The following RGS6 variants were observed in gnomAD, a reference collection of about 807,000 sequenced individuals.
RGS6 encodes regulator of G protein signaling 6, also known as regulator of G-protein signaling 6.
A neutral mutation model predicts 78.5 loss-of-function variants in RGS6; 30 were observed. The ratio of observed to expected loss-of-function variants is 0.38; its 90% CI spans 0.29 to 0.52. RGS6 has a LOEUF of 0.52. Ranked by LOEUF, RGS6 falls within the 20% of genes least tolerant of loss-of-function variation. RGS6 has a pLI of 0.85. For missense variants in RGS6, 495 were observed against 609.7 expected (o/e 0.81, Z 1.98); for synonymous variants, 206 against 206.0 (o/e 1.00, Z 0.00).
chr14:72,458,472 G>A (rs1242469694), intron 5 of RGS6, 95 bp downstream of exon 5: 9 of 951,198 alleles, frequency 9.5e-6, no homozygotes, highest in Non-Finnish European at 1.5e-5. Flanking sequence ...GGATATCTGA[G>A]GGAGTAGCCC....
intron 6 of RGS6, among the ~76,000 whole-genome samples, chr14:72,462,183 C>T (rs1200432262): frequency 6.6e-6 from 1 of 152,226 alleles, no homozygotes; most frequent in African/African-American, 2.4e-5. Flanking sequence ...GAATAAGTCA[C>T]AGCCTTTCCC....
At chr14:71,922,137 C>T in the RGS6 span, among the ~76,000 whole-genome samples, 2 of 152,214 alleles carry the variant, frequency 1.3e-5, no homozygotes, top group African/African-American at 4.8e-5. Context: ...AGCAAACATG[C>T]TCCATCTTGT....
At chr14:72,443,734 T>C (rs2095280285) in intron 3 of RGS6, among the ~76,000 whole-genome samples, 1 of 152,226 alleles carries the variant, frequency 6.6e-6, no homozygotes, top group African/African-American at 2.4e-5. Context: ...CCCAGAAATA[T>C]GCTCAGCTGC....
At chr14:71,940,990 TC>T (rs2090443801) in intron 1 of RGS6, among the ~76,000 whole-genome samples, 1 of 152,082 alleles carries the variant, frequency 6.6e-6, no homozygotes, top group Non-Finnish European at 1.5e-5. Flanking sequence ...TGTCTATTTT[TC>T]CACAATTTCG....
intron 8 of RGS6, among the ~76,000 whole-genome samples, chr14:72,470,771 C>G (rs768692457): frequency 3.3e-5 from 5 of 151,288 alleles, no homozygotes; most frequent in Non-Finnish European, 4.4e-5. Flanking sequence ...CCCAGCTACT[C>G]AGGAGGCTGA....
At chr14:72,445,504 A>C (rs907188718) in intron 3 of RGS6, among the ~76,000 whole-genome samples, 26 of 149,954 alleles carry the variant, frequency 1.7e-4, no homozygotes, top group African/African-American at 6.4e-4. Flanking sequence ...TTTTAACAGT[A>C]TCAGTGGGTG....
At chr14:72,481,887 C>G (rs898381022) in intron 12 of RGS6, among the ~76,000 whole-genome samples, 2 of 148,172 alleles carry the variant, frequency 1.3e-5, no homozygotes, top group Admixed American at 6.8e-5. Context: ...CGGCTCACTG[C>G]AAGCTCCGCC....
intron 3 of RGS6, among the ~76,000 whole-genome samples, chr14:72,389,995 A>G (rs1389217788): frequency 6.6e-6 from 1 of 152,188 alleles, no homozygotes; most frequent in Non-Finnish European, 1.5e-5. Flanking sequence ...GGGAACAGTA[A>G]AGTGTAGGAA....
chr14:72,069,624 G>C lies in RGS6; in HGVS notation c.84+104749G>C, dbSNP rs181997891. On this transcript the variant is annotated intron_variant, in intron 2 of 17. Coordinates refer to ENST00000553525, the MANE Select transcript of RGS6 (RefSeq NM_001204424.2). ...GTGCAGTCACAATGATTGCAGCCTC[G>C]ACCTCCCTGGGCTCAGATGATCCTC... Among the ~76,000 whole-genome samples, 53 of 151,902 alleles carry C rather than the reference G, an allele frequency of 3.5e-4. No homozygotes were observed. The Middle Eastern group carries it at 0.014, about 39-fold the overall frequency.
At chr14:72,427,311 T>G (rs963299741) in intron 3 of RGS6, among the ~76,000 whole-genome samples, 3 of 152,248 alleles carry the variant, frequency 2.0e-5, no homozygotes, top group African/African-American at 7.2e-5. Context: ...TAAATAAAAC[T>G]TTATCATAGG....
At chr14:71,971,662 G>A (rs913481349) in intron 2 of RGS6, among the ~76,000 whole-genome samples, 2 of 152,208 alleles carry the variant, frequency 1.3e-5, no homozygotes, top group African/African-American at 4.8e-5. Flanking sequence ...GATTCCGTGA[G>A]TTCTCCAGCA....
Position 72,381,521 on chromosome 14 carries a change from G to A in RGS6, c.184+29327G>A, listed in dbSNP as rs184422481. Among the ~76,000 whole-genome samples, 43 of 152,120 alleles carry A rather than the reference G, an allele frequency of 2.8e-4. No individual in the cohort carries two copies. In the East Asian group the frequency reaches 4.4e-3, roughly 16 times the overall value. ...AGCTAACTTCTATGTAAAAATGGAC[G>A]CTACAAGGCAGTAGAAGACCATCTT... is the stretch of plus-strand genomic sequence containing the variant. On this transcript the variant is annotated intron_variant, in intron 3 of 17. Coordinates refer to ENST00000553525, the MANE Select transcript of RGS6 (RefSeq NM_001204424.2).
At chr14:72,224,451 G>C (rs1012485466) in intron 2 of RGS6, among the ~76,000 whole-genome samples, 1 of 34,372 alleles carries the variant, frequency 2.9e-5, no homozygotes, top group Non-Finnish European at 6.8e-5. Context: ...AAATGGTTTG[G>C]GTGTGGGTTT....
chr14:72,033,036 C>T (rs1015117667), intron 2 of RGS6, among the ~76,000 whole-genome samples: 5 of 152,140 alleles, frequency 3.3e-5, no homozygotes, highest in African/African-American at 1.2e-4. Context: ...GGTGAAAATG[C>T]GTTCAATACA....
chr14:72,448,238 A>G (rs1031188429), intron 3 of RGS6, among the ~76,000 whole-genome samples: 2 of 152,220 alleles, frequency 1.3e-5, no homozygotes, highest in Non-Finnish European at 2.9e-5. Flanking sequence ...GACTTTATAA[A>G]TGCTGCACCT....
At chr14:71,904,896 C>T in the RGS6 span, among the ~76,000 whole-genome samples, 1 of 150,120 alleles carries the variant, frequency 6.7e-6, no homozygotes, top group African/African-American at 2.4e-5. Context: ...ACTCCATTAT[C>T]TTTTTTTTTT....
chr14:72,580,417 G>A, the RGS6 span, among the ~76,000 whole-genome samples: 2 of 151,452 alleles, frequency 1.3e-5, no homozygotes, highest in Middle Eastern at 3.5e-3. Context: ...CTGACCTGTA[G>A]CCCTGAGTGG....
intron 4 of RGS6, among the ~76,000 whole-genome samples, chr14:72,456,534 A>G (rs746176260): frequency 3.3e-5 from 5 of 152,100 alleles, no homozygotes; most frequent in African/African-American, 1.2e-4. Flanking sequence ...ACCTCAAACA[A>G]TTCTTCTGCT....
At chr14:72,372,976 CT>C (rs1454554524) in intron 3 of RGS6, among the ~76,000 whole-genome samples, 1 of 152,084 alleles carries the variant, frequency 6.6e-6, no homozygotes, top group Non-Finnish European at 1.5e-5. Context: ...TAGTGTGATG[CT>C]TAAGGAGAAA....
Sources: gnomAD v4.1 joint callset for allele counts (sites outside exome capture counted in the v4.1 genomes callset) on GRCh38, gnomAD v4.1.1 for gene constraint, MANE v1.5 for transcripts, NCBI Gene and HGNC (gene_info 2026-07-23, HGNC 2026-07-21) for gene names.